BORA: variants seen among roughly 807,000 people sequenced by gnomAD.
BORA encodes the protein BORA aurora kinase A activator.
A neutral mutation model predicts 55.8 loss-of-function variants in BORA; 26 were observed. The observed-to-expected ratio is 0.47, with a 90% confidence interval of 0.34 to 0.65. BORA has a LOEUF of 0.65. BORA is among the 30% of genes least tolerant of loss of function. BORA has a pLI of 0.01. For synonymous variants in BORA, 201 were observed against 216.9 expected (o/e 0.93, Z 0.64); for missense variants, 568 against 671.5 (o/e 0.85, Z 1.70).
At chr13:72,739,820 C>G (rs956086367) in intron 5 of BORA, among the ~76,000 whole-genome samples, 6 of 152,070 alleles carry the variant, frequency 3.9e-5, no homozygotes, top group Admixed American at 2.0e-4. Context: ...ACACAGCATA[C>G]CTGAACACCA....
chr13:72,743,346 G>GT (rs2033074328), intron 5 of BORA, among the ~76,000 whole-genome samples, 191 bp from the exon 6 acceptor site: 1 of 122,152 alleles, frequency 8.2e-6, no homozygotes, highest in South Asian at 2.4e-4. Context: ...TAATCCTTTA[G>GT]TTTTATCCTT....
intron 10 of BORA, chr13:72,752,401 C>T (rs1242286383): frequency 1.3e-5 from 2 of 152,204 alleles, no homozygotes; most frequent in Non-Finnish European, 2.9e-5. Context: ...AAGTCAGCCA[C>T]CATCTCAACT....
intron 1 of BORA, 182 bp downstream of exon 1, chr13:72,728,189 C>A: frequency 1.2e-6 from 1 of 818,254 alleles, no homozygotes; most frequent in African/African-American, 1.7e-5. Flanking sequence ...GCCTCCTTCG[C>A]ACTCCATCCA....
intron 10 of BORA, among the ~76,000 whole-genome samples, chr13:72,750,137 A>T (rs1355981652): frequency 6.6e-6 from 1 of 152,206 alleles, no homozygotes; most frequent in Non-Finnish European, 1.5e-5. Flanking sequence ...AGGTAAAGGA[A>T]GTACAGCCCC....
chr13:72,753,947 T>C, intron 11 of BORA, 126 bp downstream of exon 11: 3 of 958,968 alleles, frequency 3.1e-6, no homozygotes, highest in Non-Finnish European at 4.5e-6. Context: ...GTAAGCCTGT[T>C]TTCTTAACAT....
chr13:72,754,873 A>C (rs1276952757), intron 11 of BORA: 2 of 320,578 alleles, frequency 6.2e-6, no homozygotes, highest in Non-Finnish European at 5.8e-6. Flanking sequence ...GTGCCACCAC[A>C]CCCAGCTTTT....
intron 4 of BORA, among the ~76,000 whole-genome samples, chr13:72,735,896 A>C (rs1256414975): frequency 6.6e-6 from 1 of 152,226 alleles, no homozygotes; most frequent in African/African-American, 2.4e-5. Context: ...GGCGTGAGCC[A>C]CTGCGCCTGG....
intron 10 of BORA, among the ~76,000 whole-genome samples, chr13:72,748,660 C>T (rs902464560): frequency 6.6e-6 from 1 of 152,144 alleles, no homozygotes; most frequent in Admixed American, 6.5e-5. Flanking sequence ...GAAAAAAGCA[C>T]ATATAGGCTT....
In BORA at chr13:72,756,049, A is replaced by AT. The variant is rs1026055314; in HGVS notation, c.*840dup. ...GCAGATATGTATGTTATATACAACT[A>AT]TTTTTTTAAAAAACTTATATCCATG... On this transcript the variant is annotated 3_prime_UTR_variant, in exon 12 of 12. Coordinates refer to ENST00000390667, the MANE Select transcript of BORA (RefSeq NM_024808.5). 3 of 398,126 alleles carry AT rather than the reference A, an allele frequency of 7.5e-6. No homozygotes were observed. The highest frequency in any genetic ancestry group is 4.1e-5 in the African/African-American group (2 of 48,560). The allele number at this position is 398,126 out of a possible 1,614,324, so 24.7% of individuals were successfully genotyped here. A position where few individuals can be genotyped will look rare whatever the true frequency, so the allele number is the denominator to read the frequency against.
chr13:72,741,725 A>T lies in BORA; in HGVS notation c.389-1812A>T, dbSNP rs144216081. ...AATAGAGTTGAAAAGTGATGTGATAATGTTGCTGTAGGTGTCTTTCTGGTC... is the reference window on the plus strand; with the variant it reads ...AATAGAGTTGAAAAGTGATGTGATATTGTTGCTGTAGGTGTCTTTCTGGTC... On this transcript the variant is annotated intron_variant, in intron 5 of 11. Transcript: ENST00000390667. 2.2e-3 allele frequency among the ~76,000 whole-genome samples: 334 copies of T among 152,230 alleles called. 1 individual carries two copies. Among genetic ancestry groups the T allele is most frequent in the African/African-American group, 7.8e-3 (323 of 41,530 alleles).
intron 5 of BORA, among the ~76,000 whole-genome samples, chr13:72,743,007 T>C (rs748579073): frequency 1.9e-4 from 29 of 151,864 alleles, no homozygotes; most frequent in Admixed American, 1.4e-3. Flanking sequence ...TACCAGACGG[T>C]AGGGAGGAGG....
chr13:72,750,105 TGAG>T (rs2033234428), intron 10 of BORA, among the ~76,000 whole-genome samples: 1 of 152,108 alleles, frequency 6.6e-6, no homozygotes, highest in African/African-American at 2.4e-5. Context: ...TTTGGAACTC[TGAG>T]GAAGAATTGA....
intron 11 of BORA, chr13:72,754,816 A>G (rs181696897): frequency 7.6e-4 from 149 of 196,614 alleles, no homozygotes; most frequent in African/African-American, 3.2e-3. Context: ...CCCAGACTCA[A>G]GCAGTCTTAC....
At chr13:72,737,855 TATAAA>T in intron 4 of BORA, 102 bp from the exon 5 acceptor site, 1 of 522,976 alleles carries the variant, frequency 1.9e-6, no homozygotes, top group African/African-American at 2.0e-5. Context: ...TGCATACAGT[TATAAA>T]GTTAGTATAT....
rs2033424585 is a variant in BORA, at chr13:72,755,234, C to A, written c.*18C>A. Reference sequence around the variant, plus strand: ...GTCCATAGAATGCCTCTGTCAGAATCAAAGACTAAGCTTAAGAGTTCCTCG... The same window carrying A: ...GTCCATAGAATGCCTCTGTCAGAATAAAAGACTAAGCTTAAGAGTTCCTCG... On this transcript the variant is annotated 3_prime_UTR_variant, in exon 12 of 12. Transcript: ENST00000390667. 1 of 1,594,784 alleles carries A rather than the reference C, an allele frequency of 6.3e-7. No homozygotes were observed. The highest frequency in any genetic ancestry group is 1.1e-5 in the South Asian group (1 of 90,610).
chr13:72,743,646 G>T, intron 6 of BORA, 44 bp downstream of exon 6: 1 of 1,458,692 alleles, frequency 6.9e-7, no homozygotes, highest in Non-Finnish European at 9.5e-7. Flanking sequence ...TCCATATTAA[G>T]CTACATTGAA....
chr13:72,738,653 G>A (rs2032979931), intron 5 of BORA, among the ~76,000 whole-genome samples: 1 of 152,092 alleles, frequency 6.6e-6, no homozygotes, highest in African/African-American at 2.4e-5. Context: ...CATCACAGTG[G>A]AATTACACTG....
intron 10 of BORA, among the ~76,000 whole-genome samples, chr13:72,749,996 A>G (rs1317132521): frequency 2.0e-5 from 3 of 152,192 alleles, no homozygotes; most frequent in African/African-American, 7.2e-5. Flanking sequence ...GTCACGTAAT[A>G]GCCGCTCATT....
chr13:72,743,755 ACT>A (rs1300980606), intron 6 of BORA, among the ~76,000 whole-genome samples, 153 bp downstream of exon 6: 1 of 149,892 alleles, frequency 6.7e-6, no homozygotes, highest in Admixed American at 6.7e-5. Flanking sequence ...ACAGGGTCAC[ACT>A]CTGTCACCCA....
Sources: allele counts gnomAD v4.1 joint callset (sites outside exome capture counted in the v4.1 genomes callset), GRCh38; gene constraint gnomAD v4.1.1; transcripts MANE v1.5; gene names NCBI Gene and HGNC (gene_info 2026-07-23, HGNC 2026-07-21).